The following ATP8B2 variants were observed in gnomAD, a reference collection of about 807,000 sequenced individuals.
The protein encoded by ATP8B2 is ATPase phospholipid transporting 8B2, also known as phospholipid-transporting ATPase ID.
In ATP8B2, 70 loss-of-function variants were observed where a neutral mutation model predicts 133.4. The ratio of observed to expected loss-of-function variants is 0.52; its 90% CI spans 0.43 to 0.64. The LOEUF (loss-of-function observed/expected upper bound fraction) is 0.64, where lower values mean the gene tolerates loss of function less well. ATP8B2 is among the 30% of genes least tolerant of loss of function. The probability of loss-of-function intolerance (pLI) is 0.00; values close to 1 mark genes in which losing one functional copy is unlikely to be tolerated. For missense variants in ATP8B2, 1,101 were observed against 1,535.7 expected, an observed-to-expected ratio of 0.72 and a Z score of 4.73; for synonymous variants, 517 against 589.5, an observed-to-expected ratio of 0.88 and a Z score of 1.78.
intron 12 of ATP8B2, 55 bp downstream of exon 12, chr1:154,337,599 ACTTTT>A (rs1686232248): frequency 2.5e-6 from 4 of 1,614,164 alleles, no homozygotes; most frequent in East Asian, 2.2e-5. Context: ...GTCCCATAGA[ACTTTT>A]CTTTTCTATG....
chr1:154,327,045 G>A lies in ATP8B2; in HGVS notation c.-37-1060G>A, dbSNP rs553441148. The stretch of plus-strand genomic sequence containing the variant: ...GGATTGCCTGACTTGGTGTAAGGGC[G>A]GGATCTGAGCTAGCGAAGGGAGAAC... On this transcript the variant is annotated intron_variant, in intron 1 of 27. Transcript: ENST00000368489. 4.6e-5 allele frequency among the ~76,000 whole-genome samples: 7 copies of A among 152,362 alleles called. No homozygotes were observed. The South Asian group carries it at 8.3e-4, about 18-fold the overall frequency.
intron 3 of ATP8B2, 61 bp downstream of exon 3, chr1:154,330,515 C>A: frequency 6.4e-7 from 1 of 1,568,462 alleles, no homozygotes; most frequent in Non-Finnish European, 8.8e-7. Context: ...GGGGCAAGGA[C>A]AACCTACCGT....
chr1:154,340,600 C>T lies in ATP8B2; in HGVS notation c.1035-254C>T. ...CCCTTTTCCTCCTTTGCTGTCTGTCCTGCCCACCCAGGCCCTTTGCACCTT... is the reference window on the plus strand; with the variant it reads ...CCCTTTTCCTCCTTTGCTGTCTGTCTTGCCCACCCAGGCCCTTTGCACCTT... On this transcript the variant is annotated intron_variant, in intron 12 of 27. Coordinates refer to ENST00000368489, the MANE Select transcript of ATP8B2 (RefSeq NM_001370597.1). This position sits in a 1 kb window ranked among gnomAD's most constrained non-coding sequence, Gnocchi z 4.0. 1.9e-6 allele frequency: 1 copy of T among 539,272 alleles called. No homozygotes were observed. The highest frequency in any genetic ancestry group is 2.4e-5 in the South Asian group (1 of 42,254). The allele number at this position is 539,272 out of a possible 1,614,324, so 33.4% of individuals were successfully genotyped here. A position where few individuals can be genotyped will look rare whatever the true frequency, so the allele number is the denominator to read the frequency against.
At position 154,345,238 on chromosome 1, in the gene ATP8B2, C is replaced by T. The variant is rs912211113; in HGVS notation, c.2470+84C>T. ...AGGTCTCTGGACTGCAGAAGAATGACGGGAAGGGGGTTGTAACTTGGTAGG... is the reference window on the plus strand; with the variant it reads ...AGGTCTCTGGACTGCAGAAGAATGATGGGAAGGGGGTTGTAACTTGGTAGG... On this transcript the variant is annotated intron_variant, in intron 22 of 27. Transcript: ENST00000368489. The surrounding 1 kb of genome is among the most constrained non-coding windows in gnomAD (Gnocchi z 5.6). 1.4e-5 allele frequency: 23 copies of T among 1,599,848 alleles called. No individual in the cohort carries two copies. Among genetic ancestry groups the T allele is most frequent in the South Asian group, 1.2e-4 (11 of 89,720 alleles).
chr1:154,343,961 G>A lies in ATP8B2; in HGVS notation c.1827G>A (p.Glu609=). 6.2e-7 allele frequency: 1 copy of A among 1,614,020 alleles called. No homozygotes were observed. Among genetic ancestry groups the A allele is most frequent in the Non-Finnish European group, 8.5e-7 (1 of 1,179,910 alleles). The change falls in exon 18 of 28, where the codon GAG becomes GAA. Residue 609 remains glutamate (E), a synonymous_variant. Transcript: ENST00000368489. This position sits in a 1 kb window ranked among gnomAD's most constrained non-coding sequence, Gnocchi z 5.8. ...AYKDLDEEYY[E]EWAERRLQAS... is the part of the protein sequence containing the mutation. ...AGGATCTGGATGAAGAGTACTACGA[G>A]GAGTGGGCTGAGCGACGCCTCCAGG...
Position 154,332,037 on chromosome 1 carries a change from C to T in ATP8B2, c.509+13C>T. 2 of 1,609,642 alleles carry T rather than the reference C, an allele frequency of 1.2e-6. No individual in the cohort carries two copies. Among genetic ancestry groups the T allele is most frequent in the Non-Finnish European group, 1.7e-6 (2 of 1,175,926 alleles). ...CAGAACTTGATGGGTAAGTGGCATG[C>T]TCAGTGTCAGCCCTCTCCTTCTGTC... On this transcript the variant is annotated intron_variant, in intron 8 of 27. Coordinates refer to ENST00000368489, the MANE Select transcript of ATP8B2 (RefSeq NM_001370597.1).
At chr1:154,332,572 T>C in intron 8 of ATP8B2, 46 bp from the exon 9 acceptor site, 4 of 1,459,752 alleles carry the variant, frequency 2.7e-6, no homozygotes, top group Non-Finnish European at 1.9e-6. Flanking sequence ...AAAAAACATT[T>C]AGAGGATGAG....
intron 14 of ATP8B2, 39 bp from the exon 15 acceptor site, chr1:154,342,757 C>T (rs1176587323): frequency 1.2e-6 from 2 of 1,601,876 alleles, no homozygotes; most frequent in South Asian, 1.1e-5. Context: ...TGCAGCCTGG[C>T]ACTCTAGCCT....
chr1:154,330,424 C>T lies in ATP8B2; in HGVS notation c.60C>T (p.Asp20=). The change falls in exon 3 of 28, where the codon GAC becomes GAT. Residue 20 remains aspartate (D), a synonymous_variant. Transcript: ENST00000368489. ...AAGAAAGGAGGGCGCGGGCTAATGA[C>T]CGAGAATACAATGAGAAATTCCAGT... ...PEEERRARAN[D]REYNEKFQYA... 1 of 1,614,074 alleles carries T rather than the reference C, an allele frequency of 6.2e-7. No individual in the cohort carries two copies.
Position 154,331,158 on chromosome 1 carries a change from T to C in ATP8B2, c.303+12T>C. The C allele has an allele frequency of 6.2e-7, 1 of 1,609,740 alleles. No homozygotes were observed. Among genetic ancestry groups the C allele is most frequent in the Non-Finnish European group, 8.5e-7 (1 of 1,176,146 alleles). On this transcript the variant is annotated intron_variant, in intron 5 of 27. Transcript: ENST00000368489. The surrounding 1 kb of genome is among the most constrained non-coding windows in gnomAD (Gnocchi z 4.8). ...CCACTGATGACTATGTGAGTGGTTTTCATTCTTCTATTTTGTCCCAGTCAC... is the reference window on the plus strand; with the variant it reads ...CCACTGATGACTATGTGAGTGGTTTCCATTCTTCTATTTTGTCCCAGTCAC...
chr1:154,347,729 T>A (rs1686632148), intron 26 of ATP8B2, among the ~76,000 whole-genome samples: 1 of 151,888 alleles, frequency 6.6e-6, no homozygotes, highest in Non-Finnish European at 1.5e-5. Flanking sequence ...TTACCTGAGG[T>A]TGGGAGTTCA....
rs371296686 is a variant in ATP8B2, at chr1:154,343,063, G to A, written c.1454-50G>A. The A allele has an allele frequency of 5.0e-5, 80 of 1,595,994 alleles. No individual in the cohort carries two copies. The highest frequency in any genetic ancestry group is 2.3e-4 in the South Asian group (20 of 88,638). On this transcript the variant is annotated intron_variant, in intron 15 of 27. Coordinates refer to ENST00000368489, the MANE Select transcript of ATP8B2 (RefSeq NM_001370597.1). This position sits in a 1 kb window ranked among gnomAD's most constrained non-coding sequence, Gnocchi z 5.8. ...GGCTGGGGCTTCCTGGGCGGGGCAC[G>A]TGGCTGAGGGAAGCCACTTATATCA...
Position 154,340,894 on chromosome 1 carries a change from TG to T in ATP8B2, c.1078del (p.Asp360IlefsTer7). ...TCTGGGCCACAGCTACTTCATCAAC[TG>T]GGATAAGAAGATGTTCTGCATGAAG... is the stretch of plus-strand genomic sequence containing the variant. The part of the protein sequence containing the change: ...IRLGHSYFIN[W>X]DKKMFCMKKR... On this transcript the variant is annotated frameshift_variant, in exon 13 of 28. Transcript: ENST00000368489. LOFTEE classifies it high-confidence loss of function. The surrounding 1 kb of genome is among the most constrained non-coding windows in gnomAD (Gnocchi z 4.0). The T allele has an allele frequency of 6.2e-7, 1 of 1,614,086 alleles. No homozygotes were observed.
Position 154,328,763 on chromosome 1 carries a change from C to CG in ATP8B2, c.31+597dup. 3.0e-6 allele frequency: 3 copies of CG among 993,688 alleles called. No individual in the cohort carries two copies. Among genetic ancestry groups the CG allele is most frequent in the Non-Finnish European group, 2.4e-6 (2 of 835,862 alleles). 61.6% of individuals were successfully genotyped at this position (993,688 alleles called of 1,614,324 possible). ...CCACTCAGCGCACGCTGGCATCCGCCGGGGGGCATGGGGGGCGGCGGCGGC... is the reference window on the plus strand; with the variant it reads ...CCACTCAGCGCACGCTGGCATCCGCCGGGGGGGCATGGGGGGCGGCGGCGGC... On this transcript the variant is annotated intron_variant, in intron 2 of 27. Transcript: ENST00000368489. The surrounding 1 kb of genome is among the most constrained non-coding windows in gnomAD (Gnocchi z 4.6).
intron 27 of ATP8B2, 26 bp from the exon 28 acceptor site, chr1:154,348,814 G>A: frequency 6.4e-7 from 1 of 1,559,448 alleles, no homozygotes; most frequent in Non-Finnish European, 8.7e-7. Context: ...CGCTGACAGA[G>A]GGCTCTTCCC....
Position 154,346,469 on chromosome 1 carries a change from G to GCGTGCAGGTATGAGGC in ATP8B2, c.3019_3024+10dup, listed in dbSNP as rs765746398. On this transcript the variant is annotated stop_gained and frameshift_variant, in exon 25 of 28. Coordinates refer to ENST00000368489, the MANE Select transcript of ATP8B2 (RefSeq NM_001370597.1). LOFTEE classifies it high-confidence loss of function. This position sits in a 1 kb window ranked among gnomAD's most constrained non-coding sequence, Gnocchi z 4.5. The stretch of plus-strand genomic sequence containing the variant: ...GCCACATCCTTGGTCATTGTGGTTA[G>GCGTGCAGGTATGAGGC]CGTGCAGGTATGAGGCCATCCAGGA... 9 of 1,613,206 alleles carry GCGTGCAGGTATGAGGC rather than the reference G, an allele frequency of 5.6e-6. No homozygotes were observed. In the Admixed American group the frequency reaches 1.3e-4, roughly 24 times the overall value.
At chr1:154,348,236 T>TG (rs1482069473) in intron 26 of ATP8B2, among the ~76,000 whole-genome samples, 172 bp from the exon 27 acceptor site, 1 of 152,070 alleles carries the variant, frequency 6.6e-6, no homozygotes, top group Non-Finnish European at 1.5e-5. Context: ...TCTGGAGCTT[T>TG]GGGGGAGTTT....
intron 26 of ATP8B2, among the ~76,000 whole-genome samples, chr1:154,348,200 T>G (rs73024605): frequency 4.3e-4 from 65 of 152,246 alleles, no homozygotes; most frequent in African/African-American, 1.4e-3. Flanking sequence ...GCCTGGTATG[T>G]CAAGTCTGGC....
chr1:154,342,990 C>T (rs759225994), intron 15 of ATP8B2, 29 bp downstream of exon 15: 30 of 1,610,628 alleles, frequency 1.9e-5, no homozygotes, highest in Non-Finnish European at 2.5e-5. Flanking sequence ...TCGCACTCTC[C>T]TGACCTGACT....
Sources: allele counts gnomAD v4.1 joint callset (sites outside exome capture counted in the v4.1 genomes callset), GRCh38; gene constraint gnomAD v4.1.1; non-coding constraint Gnocchi (gnomAD v3.1); transcripts MANE v1.5; gene names NCBI Gene and HGNC (gene_info 2026-07-23, HGNC 2026-07-21).